Variants in SNAPC3 observed in about 807,000 individuals in gnomAD.
The protein encoded by SNAPC3 is snRNA-activating protein complex subunit 3.
In SNAPC3, 56 loss-of-function variants were observed where a neutral mutation model predicts 47.7. The observed-to-expected ratio is 1.18, with a 90% CI of 0.95 to 1.47. The LOEUF is 1.47. SNAPC3 is among the 40% of genes most tolerant of loss of function. The pLI is 0.00. For synonymous variants in SNAPC3, 235 were observed against 189.9 expected (o/e 1.24, Z -1.95); for missense variants, 665 against 511.3 (o/e 1.30, Z -2.90).
intron 3 of SNAPC3, among the ~76,000 whole-genome samples, chr9:15,444,219 C>CTCT (rs2033745233): frequency 6.6e-6 from 1 of 152,200 alleles, no homozygotes. Flanking sequence ...ATCACTGAAC[C>CTCT]TCTGAGCTTT....
intron 2 of SNAPC3, 137 bp downstream of exon 2, chr9:15,424,123 T>G: frequency 2.2e-6 from 1 of 450,498 alleles, no homozygotes; most frequent in Non-Finnish European, 4.0e-6. Flanking sequence ...TATTTGACCA[T>G]ATTTACTTTA....
chr9:15,441,378 CTTTTCT>C (rs1294901821), intron 3 of SNAPC3, among the ~76,000 whole-genome samples: 1 of 40,504 alleles, frequency 2.5e-5, no homozygotes, highest in Admixed American at 3.0e-4. Context: ...CAAGAGTTCC[CTTTTCT>C]TTTTTTTTTT....
intron 8 of SNAPC3, among the ~76,000 whole-genome samples, chr9:15,458,985 ACTT>A (rs931077254): frequency 3.3e-5 from 5 of 152,186 alleles, no homozygotes; most frequent in East Asian, 1.9e-4. Flanking sequence ...AATTTGAAAT[ACTT>A]CTTTTTGATC....
intron 2 of SNAPC3, among the ~76,000 whole-genome samples, chr9:15,430,318 G>A (rs922104980): frequency 6.6e-6 from 1 of 152,110 alleles, no homozygotes; most frequent in African/African-American, 2.4e-5. Flanking sequence ...TGTGCTCCCA[G>A]CTACTCAGGA....
intron 4 of SNAPC3, among the ~76,000 whole-genome samples, chr9:15,444,965 C>T (rs1436719860): frequency 1.3e-5 from 2 of 152,092 alleles, no homozygotes; most frequent in African/African-American, 4.8e-5. Flanking sequence ...TGGTGGTGCA[C>T]ATCTGTAATC....
intron 7 of SNAPC3, 23 bp from the exon 8 acceptor site, chr9:15,457,937 C>T (rs1011513242): frequency 1.4e-6 from 2 of 1,421,060 alleles, no homozygotes; most frequent in Admixed American, 2.0e-5. Context: ...ACCTTAATAT[C>T]TTTATTTTCC....
intron 6 of SNAPC3, among the ~76,000 whole-genome samples, chr9:15,452,110 G>A (rs1178852571): frequency 6.6e-6 from 1 of 152,044 alleles, no homozygotes; most frequent in East Asian, 1.9e-4. Flanking sequence ...CTACAGGTGT[G>A]TGCCATCATG....
At position 15,454,875 on chromosome 9, in the gene SNAPC3, A is replaced by G. The variant is rs1387324935; in HGVS notation, c.980+1670A>G. ...CGTGAACCCGGGAGGTGGAGCATGC[A>G]GTGAGCTGAGATCGTGCCACTGCAC... On this transcript the variant is annotated intron_variant, in intron 7 of 8. Coordinates refer to ENST00000380821, the MANE Select transcript of SNAPC3 (RefSeq NM_001039697.2). Among the ~76,000 whole-genome samples the G allele has an allele frequency of 2.0e-5, 3 of 152,198 alleles. No individual in the cohort carries two copies. In the East Asian group the frequency reaches 5.8e-4, roughly 29 times the overall value.
chr9:15,459,622 A>G (rs771154363), intron 8 of SNAPC3, 97 bp from the exon 9 acceptor site: 25 of 942,992 alleles, frequency 2.7e-5, no homozygotes, highest in Non-Finnish European at 4.1e-5. Context: ...TGATAAGGAA[A>G]TAGAATGTTA....
chr9:15,454,068 A>G (rs915522612), intron 7 of SNAPC3, among the ~76,000 whole-genome samples: 1 of 152,108 alleles, frequency 6.6e-6, no homozygotes, highest in East Asian at 1.9e-4. Flanking sequence ...AACCCTCTCT[A>G]CAAAGAATAC....
At chr9:15,449,554 TATATATA>T (rs1315108940) in intron 5 of SNAPC3, among the ~76,000 whole-genome samples, 414 of 37,988 alleles carry the variant, frequency 0.011, no homozygotes, top group Middle Eastern at 0.019. Context: ...TATATATATA[TATATATA>T]TATTTTTTTT....
downstream of SNAPC3, chr9:15,463,869 G>A (rs1007205940): frequency 6.5e-6 from 1 of 152,740 alleles, no homozygotes; most frequent in Non-Finnish European, 1.5e-5. Context: ...GGTGGGTCAT[G>A]GGAAGAAAGG....
rs10124006 is a variant in SNAPC3 at position 15,427,944 on chromosome 9, C to G, written c.392+3958C>G. Among the ~76,000 whole-genome samples the G allele has an allele frequency of 4.7e-3, 718 of 152,106 alleles. 6 individuals are homozygous for G. The highest frequency in any genetic ancestry group is 0.017 in the African/African-American group (692 of 41,472). The stretch of plus-strand genomic sequence containing the variant: ...TGGCCAATATGGTGAAACCCCACCT[C>G]TACTAAAAATACAAACATTAGCTGG... On this transcript the variant is annotated intron_variant, in intron 2 of 8. Coordinates refer to ENST00000380821, the MANE Select transcript of SNAPC3 (RefSeq NM_001039697.2).
downstream of SNAPC3, chr9:15,464,416 G>GATAGCATTT: frequency 5.1e-6 from 1 of 197,522 alleles, no homozygotes; most frequent in African/African-American, 2.3e-5. Context: ...TCTTAGAAAT[G>GATAGCATTT]CTATCCTTTA....
Position 15,441,378 on chromosome 9 carries a change from CTTTTCTTT to C in SNAPC3, c.478-3219_478-3212del, listed in dbSNP as rs1374754829. 1.7e-3 allele frequency among the ~76,000 whole-genome samples: 68 copies of C among 40,518 alleles called. 1 individual carries two copies. The highest frequency in any genetic ancestry group is 4.9e-3 in the African/African-American group (65 of 13,204). 26.6% of individuals were successfully genotyped at this position (40,518 alleles called of 152,430 possible). A position where few individuals can be genotyped will look rare whatever the true frequency, so the allele number is the denominator to read the frequency against. Reference sequence around the variant, plus strand: ...CTTGCCAACAGTGTGCAAGAGTTCCCTTTTCTTTTTTTTTTTTTTTTTTTTTTTTAGTA... The same window carrying C: ...CTTGCCAACAGTGTGCAAGAGTTCCCTTTTTTTTTTTTTTTTTTTTTAGTA... On this transcript the variant is annotated intron_variant, in intron 3 of 8. Transcript: ENST00000380821.
chr9:15,449,554 TA>T (rs1563851101), intron 5 of SNAPC3, among the ~76,000 whole-genome samples: 491 of 38,026 alleles, frequency 0.013, 1 homozygote, highest in Non-Finnish European at 0.016. Context: ...TATATATATA[TA>T]TATATATATT....
intron 3 of SNAPC3, 55 bp from the exon 4 acceptor site, chr9:15,444,547 T>C: frequency 8.9e-7 from 1 of 1,129,078 alleles, no homozygotes; most frequent in Non-Finnish European, 1.3e-6. Context: ...TGTACCACAC[T>C]GCATCTTATC....
At chr9:15,445,633 A>C (rs1039235264) in intron 4 of SNAPC3, among the ~76,000 whole-genome samples, 6 of 73,702 alleles carry the variant, frequency 8.1e-5, no homozygotes, top group Non-Finnish European at 1.7e-4. Flanking sequence ...TGTAGTTAAT[A>C]CTAATCTTAT....
chr9:15,440,718 G>A (rs1398155076), intron 3 of SNAPC3, among the ~76,000 whole-genome samples: 1 of 152,140 alleles, frequency 6.6e-6, no homozygotes, highest in East Asian at 1.9e-4. Context: ...GGGAGGCCGA[G>A]GCGGGCGGAT....
Sources: gnomAD v4.1 joint callset for allele counts (sites outside exome capture counted in the v4.1 genomes callset) on GRCh38, gnomAD v4.1.1 for gene constraint, MANE v1.5 for transcripts, NCBI Gene and HGNC (gene_info 2026-07-23, HGNC 2026-07-21) for gene names.